Variants in PLD1 observed in about 807,000 individuals in gnomAD.
The protein encoded by PLD1 is choline phosphatase 1.
In PLD1, 112 loss-of-function variants were observed where a neutral mutation model predicts 137.1. The ratio of observed to expected loss-of-function variants is 0.82; its 90% CI spans 0.70 to 0.96. The LOEUF (loss-of-function observed/expected upper bound fraction) is 0.96, where lower values mean the gene tolerates loss of function less well. Among genes scored for constraint, PLD1 ranks in the 40% least tolerant of loss-of-function variants. The pLI is 0.00. For missense variants in PLD1, 1,321 were observed against 1,342.0 expected (o/e 0.98, Z 0.24); for synonymous variants, 431 against 454.7 (o/e 0.95, Z 0.66).
chr3:171,783,512 CTGAGGATATTACAAGA>C (rs1258829233), intron 1 of PLD1, among the ~76,000 whole-genome samples: 3 of 152,088 alleles, frequency 2.0e-5, no homozygotes, highest in Non-Finnish European at 4.4e-5. Flanking sequence ...AAGTGTTGAT[CTGAGGATATTACAAGA>C]CAGAGCATAA....
rs143565150 is a variant in PLD1, at chr3:171,695,368, G to T, written c.1228-2926C>A. On this transcript the variant is annotated intron_variant, in intron 12 of 26. Transcript: ENST00000351298. ...AAAGGGACGGAAATTATTAATAGGA[G>T]AAGTAGAAAAACAGATGGCCTGGAG... Among the ~76,000 whole-genome samples, 1,521 of 152,322 alleles carry T rather than the reference G, an allele frequency of 1.0e-2. 18 individuals are homozygous for T. Among genetic ancestry groups the T allele is most frequent in the South Asian group, 0.039 (188 of 4,828 alleles).
At chr3:171,627,250 A>G (rs1734203254) in intron 23 of PLD1, among the ~76,000 whole-genome samples, 1 of 152,204 alleles carries the variant, frequency 6.6e-6, no homozygotes, top group Non-Finnish European at 1.5e-5. Context: ...ACAAAGATCA[A>G]AAGAGACAAA....
At chr3:171,793,192 A>C (rs1723289750) in intron 1 of PLD1, 1 of 152,544 alleles carries the variant, frequency 6.6e-6, no homozygotes, top group South Asian at 2.1e-4. Flanking sequence ...GTAATCTTCT[A>C]AAATTATAAC....
intron 1 of PLD1, among the ~76,000 whole-genome samples, chr3:171,787,841 T>G (rs1003454192): frequency 6.6e-5 from 10 of 152,056 alleles, no homozygotes; most frequent in African/African-American, 1.9e-4. Flanking sequence ...CAACTTGGTT[T>G]TTTTTAAGAA....
At chr3:171,631,262 G>A (rs1266645294) in intron 23 of PLD1, among the ~76,000 whole-genome samples, 1 of 152,106 alleles carries the variant, frequency 6.6e-6, no homozygotes, top group African/African-American at 2.4e-5. Context: ...GTATGGGCCA[G>A]CAATCCCAAA....
At chr3:171,633,149 C>G (rs1734818019) in intron 23 of PLD1, among the ~76,000 whole-genome samples, 1 of 152,068 alleles carries the variant, frequency 6.6e-6, no homozygotes, top group Admixed American at 6.5e-5. Flanking sequence ...TCACCATGAA[C>G]TCTATACGGA....
intron 1 of PLD1, among the ~76,000 whole-genome samples, chr3:171,799,599 A>G (rs1723567232): frequency 6.6e-6 from 1 of 152,174 alleles, no homozygotes; most frequent in African/African-American, 2.4e-5. Flanking sequence ...TCCCAAAAGT[A>G]TGGGTTGTGC....
chr3:171,622,380 C>T (rs1473093085), intron 23 of PLD1, among the ~76,000 whole-genome samples: 1 of 152,028 alleles, frequency 6.6e-6, no homozygotes, highest in Non-Finnish European at 1.5e-5. Flanking sequence ...TGCCATAGAG[C>T]TTTGATAATT....
chr3:171,613,849 C>G (rs533047525), intron 24 of PLD1, among the ~76,000 whole-genome samples: 61 of 152,128 alleles, frequency 4.0e-4, no homozygotes, highest in Non-Finnish European at 7.1e-4. Flanking sequence ...CAGATTCATG[C>G]ATTTGAATCC....
intron 9 of PLD1, among the ~76,000 whole-genome samples, chr3:171,711,305 G>A (rs1360365041): frequency 1.3e-5 from 2 of 151,330 alleles, no homozygotes; most frequent in African/African-American, 2.4e-5. Flanking sequence ...TAAGTAGCTG[G>A]GACTACAGGC....
At chr3:171,647,729 G>C (rs1226478867) in intron 21 of PLD1, among the ~76,000 whole-genome samples, 1 of 152,156 alleles carries the variant, frequency 6.6e-6, no homozygotes, top group Non-Finnish European at 1.5e-5. Context: ...ACAGGAGTGA[G>C]CCACCGCGCC....
intron 1 of PLD1, chr3:171,809,539 A>G (rs1488089200): frequency 2.6e-5 from 4 of 152,226 alleles, no homozygotes; most frequent in Non-Finnish European, 5.9e-5. Flanking sequence ...TTGGAGGCAG[A>G]CTTAGTAATG....
intron 1 of PLD1, among the ~76,000 whole-genome samples, chr3:171,810,167 C>A (rs1239318066): frequency 6.6e-6 from 1 of 152,264 alleles, no homozygotes; most frequent in Non-Finnish European, 1.5e-5. Flanking sequence ...GGCAAAAGTG[C>A]GTGCCAGAGT....
chr3:171,655,584 C>T (rs1267704662), intron 21 of PLD1, among the ~76,000 whole-genome samples: 4 of 152,040 alleles, frequency 2.6e-5, no homozygotes, highest in South Asian at 2.1e-4. Flanking sequence ...GAAATCCTCC[C>T]GCCTCCGCCT....
intron 3 of PLD1, among the ~76,000 whole-genome samples, chr3:171,736,970 A>T (rs2108264555): frequency 6.6e-6 from 1 of 152,372 alleles, no homozygotes; most frequent in Non-Finnish European, 1.5e-5. Context: ...TCAGTGAAAT[A>T]TCACGTGAAT....
At chr3:171,781,324 T>C (rs757905129) in intron 1 of PLD1, among the ~76,000 whole-genome samples, 7 of 151,886 alleles carry the variant, frequency 4.6e-5, no homozygotes, top group Non-Finnish European at 1.0e-4. Flanking sequence ...AAAATTGAGA[T>C]GGATCATAGA....
chr3:171,615,123 C>T (rs1732992315), intron 24 of PLD1, among the ~76,000 whole-genome samples: 1 of 152,120 alleles, frequency 6.6e-6, no homozygotes, highest in African/African-American at 2.4e-5. Flanking sequence ...TCCATTTGTT[C>T]CTGTATTCTG....
intron 1 of PLD1, among the ~76,000 whole-genome samples, chr3:171,804,216 C>T (rs1250863984): frequency 6.6e-6 from 1 of 152,126 alleles, no homozygotes; most frequent in African/African-American, 2.4e-5. Context: ...GCTACCTACT[C>T]AAACTCTTTA....
intron 6 of PLD1, among the ~76,000 whole-genome samples, 169 bp downstream of exon 6, chr3:171,733,275 A>G (rs1467046969): frequency 2.0e-5 from 3 of 152,244 alleles, no homozygotes; most frequent in Non-Finnish European, 4.4e-5. Flanking sequence ...ACCACTGTAA[A>G]CTGGATCCTT....
Sources: allele counts gnomAD v4.1 joint callset (sites outside exome capture counted in the v4.1 genomes callset), GRCh38; gene constraint gnomAD v4.1.1; transcripts MANE v1.5; gene names NCBI Gene and HGNC (gene_info 2026-07-23, HGNC 2026-07-21).